DTNBP1: variants seen among roughly 807,000 people sequenced by gnomAD.
DTNBP1 encodes the protein dystrobrevin binding protein 1, also known as dysbindin.
Under a neutral mutation model 42.8 loss-of-function variants are expected in DTNBP1, and 35 were observed. That is an observed-to-expected ratio of 0.82 (90% CI 0.63 to 1.09). The LOEUF is 1.09. DTNBP1 is among the 50% of genes least tolerant of loss of function. The pLI is 0.00. For missense variants in DTNBP1, 457 were observed against 424.2 expected (o/e 1.08, Z -0.68); for synonymous variants, 171 against 162.2 (o/e 1.05, Z -0.41).
intron 6 of DTNBP1, among the ~76,000 whole-genome samples, chr6:15,600,064 G>A (rs1202832535): frequency 6.6e-6 from 1 of 151,490 alleles, no homozygotes; most frequent in Admixed American, 6.6e-5. Context: ...TTAAACTCAT[G>A]CATCCCACAT....
chr6:15,563,844 G>T (rs781451841), intron 7 of DTNBP1, among the ~76,000 whole-genome samples: 2 of 152,058 alleles, frequency 1.3e-5, no homozygotes, highest in Non-Finnish European at 2.9e-5. Flanking sequence ...CGAGGTTCCC[G>T]CGGTGGAACA....
chr6:15,589,643 T>C (rs2113614046), intron 7 of DTNBP1, among the ~76,000 whole-genome samples: 1 of 152,322 alleles, frequency 6.6e-6, no homozygotes, highest in East Asian at 1.9e-4. Context: ...CTTACGTGAA[T>C]TCTCAAAAAA....
chr6:15,593,008 A>G, intron 7 of DTNBP1, 51 bp downstream of exon 7: 1 of 1,508,298 alleles, frequency 6.6e-7, no homozygotes, highest in Non-Finnish European at 9.1e-7. Flanking sequence ...AGAACATCTG[A>G]TACCAATGAA....
At chr6:15,615,483 T>A (rs946347762) in intron 5 of DTNBP1, 84 bp from the exon 6 acceptor site, 1 of 1,552,078 alleles carries the variant, frequency 6.4e-7, no homozygotes, top group Non-Finnish European at 8.8e-7. Context: ...AAGGTAAAAG[T>A]TCACATTGTT....
intron 7 of DTNBP1, among the ~76,000 whole-genome samples, chr6:15,566,955 T>G (rs907250530): frequency 6.6e-6 from 1 of 152,102 alleles, no homozygotes; most frequent in Non-Finnish European, 1.5e-5. Flanking sequence ...CCTCCCAAAG[T>G]GCTGAGTTTA....
At chr6:15,655,168 C>A (rs1469443448) in intron 1 of DTNBP1, among the ~76,000 whole-genome samples, 1 of 152,080 alleles carries the variant, frequency 6.6e-6, no homozygotes, top group Non-Finnish European at 1.5e-5. Flanking sequence ...GTCACCCAGA[C>A]TGGAGTGCAA....
intron 7 of DTNBP1, among the ~76,000 whole-genome samples, chr6:15,584,733 T>C (rs1284581573): frequency 3.5e-5 from 5 of 143,508 alleles, no homozygotes; most frequent in Admixed American, 2.8e-4. Flanking sequence ...TTTTTTCATT[T>C]ACAGAGAAGT....
At chr6:15,531,162 G>C (rs1349085266) in intron 8 of DTNBP1, among the ~76,000 whole-genome samples, 1 of 152,210 alleles carries the variant, frequency 6.6e-6, no homozygotes, top group Non-Finnish European at 1.5e-5. Context: ...GCGCCAGCAT[G>C]CTGATCTTGG....
intron 1 of DTNBP1, among the ~76,000 whole-genome samples, chr6:15,658,789 T>C (rs542544944): frequency 6.6e-6 from 1 of 152,358 alleles, no homozygotes; most frequent in East Asian, 1.9e-4. Flanking sequence ...GGATATTTTA[T>C]GTGAACTCTC....
At chr6:15,533,000 T>C (rs1346255761) in intron 8 of DTNBP1, among the ~76,000 whole-genome samples, 2 of 152,122 alleles carry the variant, frequency 1.3e-5, no homozygotes, top group Admixed American at 1.3e-4. Context: ...CGCCTGGCTG[T>C]ATCTGTAATC....
At chr6:15,594,791 T>A (rs1012193058) in intron 6 of DTNBP1, among the ~76,000 whole-genome samples, 9 of 152,156 alleles carry the variant, frequency 5.9e-5, no homozygotes, top group African/African-American at 1.7e-4. Context: ...TTACAATGTT[T>A]AGAGAGCTTC....
intron 7 of DTNBP1, chr6:15,546,027 G>A (rs200597148): frequency 2.9e-5 from 13 of 449,920 alleles, no homozygotes; most frequent in Non-Finnish European, 5.3e-5. Flanking sequence ...GGAGGGTGGA[G>A]CTGGCTGAAT....
At chr6:15,584,493 T>G (rs1205493325) in intron 7 of DTNBP1, among the ~76,000 whole-genome samples, 1 of 152,028 alleles carries the variant, frequency 6.6e-6, no homozygotes, top group Non-Finnish European at 1.5e-5. Flanking sequence ...TTGATTCCAT[T>G]AATGCTCCAA....
chr6:15,536,761 C>T (rs972732938), intron 7 of DTNBP1, among the ~76,000 whole-genome samples: 2 of 152,198 alleles, frequency 1.3e-5, no homozygotes, highest in African/African-American at 4.8e-5. Flanking sequence ...CACTGCCCTC[C>T]AGAGCCCAGA....
At chr6:15,551,383 G>A (rs1056823932) in intron 7 of DTNBP1, among the ~76,000 whole-genome samples, 2 of 152,146 alleles carry the variant, frequency 1.3e-5, no homozygotes, top group African/African-American at 2.4e-5. Context: ...CAGTAAAGAC[G>A]TATAAGAATA....
In DTNBP1 at chr6:15,523,204, G is replaced by T. The variant is rs751429672; in HGVS notation, c.827C>A (p.Thr276Asn). The T allele has an allele frequency of 6.2e-7, 1 of 1,614,176 alleles. No homozygotes were observed. Among genetic ancestry groups the T allele is most frequent in the South Asian group, 1.1e-5 (1 of 91,068 alleles). ...CTGGAGGGTAATCTCATTCTGACAGGTACTGGATTCAGGCCCTGCAAAATA... is the reference window on the plus strand; with the variant it reads ...CTGGAGGGTAATCTCATTCTGACAGTTACTGGATTCAGGCCCTGCAAAATA... ...LSPALGPESSTCQNEITLQVP... is the reference protein window; with the variant it reads ...LSPALGPESSNCQNEITLQVP... Residue 276 changes from threonine (T) to asparagine (N), a missense_variant, in exon 10 of 10, where the codon ACC becomes AAC. Coordinates refer to ENST00000344537, the MANE Select transcript of DTNBP1 (RefSeq NM_032122.5).
intron 7 of DTNBP1, among the ~76,000 whole-genome samples, chr6:15,554,928 G>C (rs1168204337): frequency 2.0e-5 from 3 of 152,090 alleles, no homozygotes; most frequent in African/African-American, 7.2e-5. Flanking sequence ...AACCGCAAAA[G>C]GGAGAAGCAG....
At chr6:15,552,278 A>C (rs531478748) in intron 7 of DTNBP1, among the ~76,000 whole-genome samples, 12 of 152,322 alleles carry the variant, frequency 7.9e-5, no homozygotes, top group Non-Finnish European at 1.5e-4. Context: ...GATCAATAAA[A>C]TACACCCTCT....
intron 7 of DTNBP1, among the ~76,000 whole-genome samples, chr6:15,544,775 C>T (rs1401369832): frequency 1.3e-5 from 2 of 152,182 alleles, no homozygotes; most frequent in East Asian, 1.9e-4. Flanking sequence ...CACTTCTAGT[C>T]CCAAGTATTT....
Sources: gnomAD v4.1 joint callset for allele counts (sites outside exome capture counted in the v4.1 genomes callset) on GRCh38, gnomAD v4.1.1 for gene constraint, MANE v1.5 for transcripts, NCBI Gene and HGNC (gene_info 2026-07-23, HGNC 2026-07-21) for gene names.